The following EPS8L2 variants were observed in gnomAD, a reference collection of about 807,000 sequenced individuals.
The protein encoded by EPS8L2 is EPS8 signaling adaptor L2.
In EPS8L2, 81 loss-of-function variants were observed where a neutral mutation model predicts 99.4. That is an observed-to-expected ratio of 0.82 (90% CI 0.68 to 0.98). EPS8L2 has a LOEUF of 0.98. EPS8L2 is among the 50% of genes least tolerant of loss of function. EPS8L2 has a pLI of 0.00. For synonymous variants in EPS8L2, 509 were observed against 407.3 expected (o/e 1.25, Z -3.01); for missense variants, 1,155 against 968.8 (o/e 1.19, Z -2.55).
At position 727,135 on chromosome 11, in the gene EPS8L2, AT is replaced by A; in HGVS notation, c.*155del. The A allele has an allele frequency of 6.5e-6, 4 of 617,278 alleles. 1 individual carries two copies. The South Asian group carries it at 7.8e-5, about 12-fold the overall frequency. The allele number at this position is 617,278 out of a possible 1,614,324, so 38.2% of individuals were successfully genotyped here. ...GCCCCTGTCTGGAGGCACAACGCCC[AT>A]CCTTAGGCCAAACAGTACCCAAGGC... On this transcript the variant is annotated 3_prime_UTR_variant, in exon 21 of 21. Coordinates refer to ENST00000318562, the MANE Select transcript of EPS8L2 (RefSeq NM_022772.4).
At chr11:726,780 C>T in intron 20 of EPS8L2, 29 bp downstream of exon 20, 2 of 1,579,120 alleles carry the variant, frequency 1.3e-6, no homozygotes, top group East Asian at 2.3e-5. Context: ...CGGCGCCACG[C>T]CCCTCCTGCC....
chr11:721,787 G>A (rs749868342), intron 10 of EPS8L2, 96 bp downstream of exon 10: 25 of 1,491,366 alleles, frequency 1.7e-5, no homozygotes, highest in Non-Finnish European at 2.3e-5. Context: ...ATCCATGGGG[G>A]CTACTCATGG....
In EPS8L2 at chr11:721,359, G is replaced by A. The variant is rs1457253411; in HGVS notation, c.768+7G>A. The A allele has an allele frequency of 1.3e-6, 2 of 1,538,728 alleles. No individual in the cohort carries two copies. The highest frequency in any genetic ancestry group is 1.7e-6 in the Non-Finnish European group (2 of 1,145,924). ...GAAGATAGAGAAGGAGACGGTGGGT[G>A]CCCGGGCCCGGCAGGTGGCCCCTCT... is the stretch of plus-strand genomic sequence containing the variant. On this transcript the variant is annotated splice_region_variant and intron_variant, in intron 9 of 20. Coordinates refer to ENST00000318562, the MANE Select transcript of EPS8L2 (RefSeq NM_022772.4).
intron 3 of EPS8L2, chr11:709,925 G>T: frequency 4.2e-6 from 2 of 477,536 alleles, no homozygotes; most frequent in Non-Finnish European, 7.6e-6. Flanking sequence ...GCTCCAGGAG[G>T]GGGGCCTGGC....
chr11:712,191 C>G (rs935231540), intron 4 of EPS8L2, among the ~76,000 whole-genome samples: 4 of 151,560 alleles, frequency 2.6e-5, no homozygotes, highest in Non-Finnish European at 5.9e-5. Context: ...GAAGCTGAGA[C>G]AGGAGAATCA....
intron 1 of EPS8L2, among the ~76,000 whole-genome samples, chr11:707,166 C>T (rs1275927428): frequency 1.3e-5 from 2 of 152,148 alleles, no homozygotes; most frequent in Non-Finnish European, 2.9e-5. Flanking sequence ...CAGCCTCTCC[C>T]GGGCCTGCTT....
chr11:726,355 G>A lies in EPS8L2; in HGVS notation c.1805G>A (p.Ser602Asn). Reference protein sequence around the residue: ...EVNDELIRKISNIRAQPQRHF... With the variant: ...EVNDELIRKINNIRAQPQRHF... The stretch of plus-strand genomic sequence containing the variant: ...AACGACGAGCTCATCCGGAAAATCA[G>A]CAACATCAGGGCGCAGCCACAGAGG... Residue 602 changes from serine to asparagine, a missense_variant, in exon 19 of 21, where the codon AGC becomes AAC. Ser to Asn is a conservative substitution (Grantham distance 46, BLOSUM62 1). Transcript: ENST00000318562. The A allele has an allele frequency of 6.2e-7, 1 of 1,611,050 alleles. No homozygotes were observed. The highest frequency in any genetic ancestry group is 8.5e-7 in the Non-Finnish European group (1 of 1,179,298).
Position 720,154 on chromosome 11 carries a change from G to T in EPS8L2, c.258G>T (p.Lys86Asn). 1.2e-6 allele frequency: 2 copies of T among 1,613,494 alleles called. No homozygotes were observed. The highest frequency in any genetic ancestry group is 1.7e-6 in the Non-Finnish European group (2 of 1,179,954). Residue 86 changes from lysine to asparagine, a missense_variant, in exon 5 of 21, where the codon AAG becomes AAT. By Grantham distance (94) the Lys-to-Asn change is moderately conservative. Coordinates refer to ENST00000318562, the MANE Select transcript of EPS8L2 (RefSeq NM_022772.4). ...TGGTGCAGCTGAGCTCCAAGGAGAA[G>T]ATCTGGACCCAGGAGATGCTGCTGC... Reference protein sequence around the residue: ...RKLVQLSSKEKIWTQEMLLQV... With the variant: ...RKLVQLSSKENIWTQEMLLQV...
At chr11:707,958 C>T (rs1429042964) in intron 1 of EPS8L2, among the ~76,000 whole-genome samples, 7 of 152,174 alleles carry the variant, frequency 4.6e-5, no homozygotes, top group East Asian at 3.8e-4. Flanking sequence ...ACATTCTCCA[C>T]GGATAGATGG....
rs1477693671 is a variant in EPS8L2 at position 707,110 on chromosome 11, C to CCCTCCCCTCGCGGCCCCT, written c.-79+844_-79+861dup. 2.8e-3 allele frequency among the ~76,000 whole-genome samples: 422 copies of CCCTCCCCTCGCGGCCCCT among 151,918 alleles called. 1 individual carries two copies. Among genetic ancestry groups the CCCTCCCCTCGCGGCCCCT allele is most frequent in the Middle Eastern group, 0.014 (4 of 290 alleles). On this transcript the variant is annotated intron_variant, in intron 1 of 20. Coordinates refer to ENST00000318562, the MANE Select transcript of EPS8L2 (RefSeq NM_022772.4). ...GGAGGCAGGCCCAGCTGGCGGCGGC[C>CCCTCCCCTCGCGGCCCCT]CCTCCCCTCGCGGCCCCTCCTCCCC...
intron 4 of EPS8L2, among the ~76,000 whole-genome samples, chr11:716,295 C>A (rs1459732075): frequency 6.6e-6 from 1 of 151,544 alleles, no homozygotes; most frequent in Non-Finnish European, 1.5e-5. Flanking sequence ...ACTACAGGCG[C>A]CCGCCACCCC....
Position 722,565 on chromosome 11 carries a change from G to A in EPS8L2, c.1208+16G>A. Reference sequence around the variant, plus strand: ...TGCGGCCCCGGTAGGGCAGGGCAGAGCAGTGCCGGGGCTTCATGGGGGGCC... The same window carrying A: ...TGCGGCCCCGGTAGGGCAGGGCAGAACAGTGCCGGGGCTTCATGGGGGGCC... On this transcript the variant is annotated intron_variant, in intron 13 of 20. Transcript: ENST00000318562. 1 of 1,612,400 alleles carries A rather than the reference G, an allele frequency of 6.2e-7. No individual in the cohort carries two copies.
chr11:710,565 C>A, intron 4 of EPS8L2, 79 bp downstream of exon 4: 1 of 1,306,994 alleles, frequency 7.7e-7, no homozygotes, highest in Non-Finnish European at 1.1e-6. Context: ...CTCGTCTCCA[C>A]AAAAAATAAA....
At chr11:715,088 A>C (rs1447986335) in intron 4 of EPS8L2, among the ~76,000 whole-genome samples, 1 of 152,096 alleles carries the variant, frequency 6.6e-6, no homozygotes, top group African/African-American at 2.4e-5. Context: ...TAAAAATACA[A>C]AAAATTAGCC....
Position 721,117 on chromosome 11 carries a change from G to A in EPS8L2, c.611G>A (p.Gly204Asp). 2 of 1,534,394 alleles carry A rather than the reference G, an allele frequency of 1.3e-6. No individual in the cohort carries two copies. Among genetic ancestry groups the A allele is most frequent in the South Asian group, 1.2e-5 (1 of 83,424 alleles). Residue 204 changes from glycine (G) to aspartate (D), a missense_variant, in exon 8 of 21, where the codon GGC (glycine) becomes GAC (aspartate). By Grantham distance (94) the Gly-to-Asp change is moderately conservative (BLOSUM62 -1). Coordinates refer to ENST00000318562, the MANE Select transcript of EPS8L2 (RefSeq NM_022772.4). Reference sequence around the variant, plus strand: ...CAGTCCATCCTGCCTCCTCCCCAGGGCCCGGCGCCCATCCCCTTCCAGCAC... The same window carrying A: ...CAGTCCATCCTGCCTCCTCCCCAGGACCCGGCGCCCATCCCCTTCCAGCAC... Reference protein sequence around the residue: ...QRQSILPPPQGPAPIPFQHRG... With the variant: ...QRQSILPPPQDPAPIPFQHRG...
intron 4 of EPS8L2, among the ~76,000 whole-genome samples, chr11:711,710 G>A (rs986729075): frequency 3.9e-5 from 6 of 152,022 alleles, no homozygotes; most frequent in Non-Finnish European, 5.9e-5. Flanking sequence ...TAGGCCAGGC[G>A]CGGTGGCTCA....
At chr11:723,488 T>A (rs554645585) in intron 15 of EPS8L2, 135 bp downstream of exon 15, 2 of 445,042 alleles carry the variant, frequency 4.5e-6, no homozygotes, top group Non-Finnish European at 8.1e-6. Flanking sequence ...TTTTCCAGAT[T>A]TGAAGCGGTT....
intron 10 of EPS8L2, 103 bp from the exon 11 acceptor site, chr11:721,800 G>T (rs1374844029): frequency 2.0e-6 from 3 of 1,509,244 alleles, no homozygotes; most frequent in Admixed American, 1.9e-5. Flanking sequence ...ACTCATGGAG[G>T]TGGAGGAAGG....
At position 725,715 on chromosome 11, in the gene EPS8L2, G is replaced by A. The variant is rs781682823; in HGVS notation, c.1561-13G>A. ...GCCTGGGTGTGGGGAGGGGCTGACG[G>A]CGCGCCCCGCAGGTGCTGGAGGACG... is the stretch of plus-strand genomic sequence containing the variant. On this transcript the variant is annotated splice_polypyrimidine_tract_variant and intron_variant, in intron 16 of 20. Transcript: ENST00000318562. 18 of 1,314,456 alleles carry A rather than the reference G, an allele frequency of 1.4e-5. No individual in the cohort carries two copies. In the African/African-American group the frequency reaches 2.3e-4, roughly 17 times the overall value. The allele number at this position is 1,314,456 out of a possible 1,614,324, so 81.4% of individuals were successfully genotyped here. A position where few individuals can be genotyped will look rare whatever the true frequency, so the allele number is the denominator to read the frequency against.
Sources: gnomAD v4.1 joint callset for allele counts (sites outside exome capture counted in the v4.1 genomes callset) on GRCh38, gnomAD v4.1.1 for gene constraint, MANE v1.5 for transcripts, NCBI Gene and HGNC (gene_info 2026-07-23, HGNC 2026-07-21) for gene names.